The following ATP2B2 variants were observed in gnomAD, a reference collection of about 807,000 sequenced individuals.
ATP2B2 encodes the protein ATPase plasma membrane Ca2+ transporting 2.
A neutral mutation model predicts 120.0 loss-of-function variants in ATP2B2; 15 were observed. The observed-to-expected ratio is 0.12, with a 90% CI of 0.08 to 0.19. The LOEUF is 0.19. Among genes scored for constraint, ATP2B2 ranks in the 10% least tolerant of loss-of-function variants. The pLI is 1.00. For missense variants in ATP2B2, 1,045 were observed against 1,719.8 expected (o/e 0.61, Z 6.94); for synonymous variants, 694 against 700.3 (o/e 0.99, Z 0.14).
intron 12 of ATP2B2, among the ~76,000 whole-genome samples, chr3:10,363,779 G>A (rs1365260958): frequency 1.3e-5 from 2 of 152,044 alleles, no homozygotes; most frequent in East Asian, 1.9e-4. Flanking sequence ...ACTATTGGTG[G>A]GAATCTAAAA....
intron 1 of ATP2B2, among the ~76,000 whole-genome samples, chr3:10,683,760 G>GTGTGTATGTA (rs1446781892): frequency 1.1e-4 from 6 of 53,906 alleles, no homozygotes; most frequent in Admixed American, 2.5e-4. Flanking sequence ...GTGTGTGTGT[G>GTGTGTATGTA]TATATATATA....
intron 1 of ATP2B2, among the ~76,000 whole-genome samples, chr3:10,467,113 C>T (rs1385887731): frequency 6.6e-6 from 1 of 152,238 alleles, no homozygotes; most frequent in African/African-American, 2.4e-5. Flanking sequence ...AAGTCTTTGA[C>T]ACTGGATTGG....
intron 2 of ATP2B2, among the ~76,000 whole-genome samples, chr3:10,415,187 G>A (rs1206956678): frequency 6.6e-6 from 1 of 152,182 alleles, no homozygotes. Flanking sequence ...TCCTTTTGCA[G>A]GCAACAGCAG....
intron 1 of ATP2B2, among the ~76,000 whole-genome samples, chr3:10,673,273 A>C (rs1012020185): frequency 6.6e-6 from 1 of 152,164 alleles, no homozygotes; most frequent in African/African-American, 2.4e-5. Flanking sequence ...ATTAATGCCA[A>C]ATTCAGGCCA....
At chr3:10,498,819 G>C (rs148273737) in intron 1 of ATP2B2, among the ~76,000 whole-genome samples, 1 of 152,264 alleles carries the variant, frequency 6.6e-6, no homozygotes, top group East Asian at 1.9e-4. Flanking sequence ...ACTATGGCAC[G>C]ACTGCTCCCA....
intron 2 of ATP2B2, among the ~76,000 whole-genome samples, chr3:10,431,158 C>T (rs954693100): frequency 2.0e-5 from 3 of 152,156 alleles, no homozygotes; most frequent in African/African-American, 7.2e-5. Flanking sequence ...GGTAAAGATG[C>T]TGTGAACATT....
intron 1 of ATP2B2, among the ~76,000 whole-genome samples, chr3:10,700,652 A>C (rs1156510719): frequency 6.6e-6 from 1 of 152,242 alleles, no homozygotes; most frequent in Non-Finnish European, 1.5e-5. Context: ...TCTCCAAACA[A>C]GTTGTGATTA....
chr3:10,546,675 C>T (rs2067554407), intron 2 of ATP2B2, among the ~76,000 whole-genome samples: 1 of 152,186 alleles, frequency 6.6e-6, no homozygotes, highest in African/African-American at 2.4e-5. Flanking sequence ...CCCCAAAGTC[C>T]CACCACCATA....
chr3:10,389,792 A>G (rs969885891), intron 5 of ATP2B2, among the ~76,000 whole-genome samples: 2 of 152,146 alleles, frequency 1.3e-5, no homozygotes, highest in Admixed American at 1.3e-4. Flanking sequence ...ATATAATTTT[A>G]AAAATTGGAA....
chr3:10,370,985 A>T (rs530278326), intron 12 of ATP2B2, among the ~76,000 whole-genome samples: 1 of 152,242 alleles, frequency 6.6e-6, no homozygotes, highest in Non-Finnish European at 1.5e-5. Context: ...TTTTCTTATC[A>T]AAATGAATAA....
chr3:10,495,310 C>A (rs1484698236), intron 1 of ATP2B2, among the ~76,000 whole-genome samples: 2 of 152,124 alleles, frequency 1.3e-5, no homozygotes, highest in African/African-American at 2.4e-5. Context: ...TACTCTGCAA[C>A]CTTGGTCAAT....
chr3:10,465,796 G>A lies in ATP2B2; in HGVS notation c.-319-15934C>T, dbSNP rs946291864. 3.9e-5 allele frequency among the ~76,000 whole-genome samples: 6 copies of A among 152,226 alleles called. No homozygotes were observed. The East Asian group carries it at 5.8e-4, about 15-fold the overall frequency. ...CTTTCTCCAGGTTTGGGCCTGCTAC[G>A]AAATGGGTGCTAGGTTGGGGGGCGT... On this transcript the variant is annotated intron_variant, in intron 1 of 22. Coordinates refer to ENST00000360273, the MANE Select transcript of ATP2B2 (RefSeq NM_001001331.4).
chr3:10,683,760 G>GTGTGTGTGTGTATATATATA (rs1446781892), intron 1 of ATP2B2, among the ~76,000 whole-genome samples: 3 of 53,912 alleles, frequency 5.6e-5, no homozygotes, highest in Admixed American at 4.9e-4. Context: ...GTGTGTGTGT[G>GTGTGTGTGTGTATATATATA]TATATATATA....
intron 14 of ATP2B2, among the ~76,000 whole-genome samples, chr3:10,351,789 C>G (rs994841322): frequency 1.8e-4 from 27 of 152,290 alleles, no homozygotes; most frequent in African/African-American, 6.5e-4. Context: ...AAAGGAGATG[C>G]CATGCAGAAA....
intron 14 of ATP2B2, 30 bp from the exon 15 acceptor site, chr3:10,350,607 G>C: frequency 6.2e-7 from 1 of 1,604,360 alleles, no homozygotes. Flanking sequence ...CCATGGGGGA[G>C]GGCACCACCT....
chr3:10,521,421 T>C (rs927908907), intron 3 of ATP2B2, among the ~76,000 whole-genome samples: 23 of 152,232 alleles, frequency 1.5e-4, no homozygotes, highest in African/African-American at 5.3e-4. Flanking sequence ...GGAACTTTCA[T>C]GGGCATGAAT....
intron 1 of ATP2B2, among the ~76,000 whole-genome samples, chr3:10,680,948 A>G (rs533192752): frequency 7.2e-5 from 11 of 152,244 alleles, no homozygotes; most frequent in African/African-American, 2.6e-4. Context: ...TGAATGGTTT[A>G]GCACCATCTA....
At chr3:10,584,862 G>A (rs1575525212) in intron 2 of ATP2B2, among the ~76,000 whole-genome samples, 1 of 152,080 alleles carries the variant, frequency 6.6e-6, no homozygotes, top group East Asian at 1.9e-4. Flanking sequence ...TCTTCCTCTG[G>A]GTTTCCCACT....
At chr3:10,499,348 G>A (rs2066287071) in intron 1 of ATP2B2, among the ~76,000 whole-genome samples, 1 of 152,148 alleles carries the variant, frequency 6.6e-6, no homozygotes, top group African/African-American at 2.4e-5. Flanking sequence ...CGGGAAGATG[G>A]GTGCTCAGCT....
Sources: gnomAD v4.1 joint callset for allele counts (sites outside exome capture counted in the v4.1 genomes callset) on GRCh38, gnomAD v4.1.1 for gene constraint, MANE v1.5 for transcripts, NCBI Gene and HGNC (gene_info 2026-07-23, HGNC 2026-07-21) for gene names.